COL4A1: variants seen among roughly 807,000 people sequenced by gnomAD.
COL4A1 encodes the protein collagen type IV alpha 1 chain, also known as collagen alpha-1(IV) chain.
Under a neutral mutation model 216.6 loss-of-function variants are expected in COL4A1, and 40 were observed. That is an observed-to-expected ratio of 0.18 (90% CI 0.14 to 0.24). The LOEUF (loss-of-function observed/expected upper bound fraction) is 0.24. COL4A1 is among the 10% of genes least tolerant of loss of function. COL4A1 has a pLI of 1.00. For synonymous variants in COL4A1, 839 were observed against 810.7 expected, an observed-to-expected ratio of 1.03 and a Z score of -0.59; for missense variants, 1,628 against 2,196.8, an observed-to-expected ratio of 0.74 and a Z score of 5.18.
chr13:110,201,014 A>G, intron 19 of COL4A1, 125 bp from the exon 20 acceptor site: 1 of 1,072,754 alleles, frequency 9.3e-7, no homozygotes, highest in Non-Finnish European at 1.4e-6. Context: ...GGGAACGTAG[A>G]AAACAGAGCG....
chr13:110,284,397 G>T (rs1397447791), intron 1 of COL4A1, among the ~76,000 whole-genome samples: 1 of 152,130 alleles, frequency 6.6e-6, no homozygotes, highest in Non-Finnish European at 1.5e-5. Flanking sequence ...GCATAATCCC[G>T]AAATCAGTAA....
intron 2 of COL4A1, among the ~76,000 whole-genome samples, chr13:110,236,053 G>GA (rs1881303317): frequency 6.6e-6 from 1 of 152,082 alleles, no homozygotes; most frequent in African/African-American, 2.4e-5. Flanking sequence ...ATGATCTTAG[G>GA]AAAAAGTGAG....
At chr13:110,247,835 G>GTGT (rs765744265) in intron 1 of COL4A1, among the ~76,000 whole-genome samples, 366 of 96,378 alleles carry the variant, frequency 3.8e-3, no homozygotes, top group Non-Finnish European at 4.9e-3. Flanking sequence ...GTGTGTGTGT[G>GTGT]GCAGAGAGAG....
intron 50 of COL4A1, among the ~76,000 whole-genome samples, chr13:110,153,598 A>C (rs961620811): frequency 3.3e-5 from 5 of 152,108 alleles, no homozygotes; most frequent in African/African-American, 1.2e-4. Flanking sequence ...AGCTTACATC[A>C]TTGTTAGTGT....
At position 110,150,190 on chromosome 13, in the gene COL4A1, G is replaced by A. The variant is rs1033126202; in HGVS notation, c.*173C>T. On this transcript the variant is annotated 3_prime_UTR_variant, in exon 52 of 52. Coordinates refer to ENST00000375820, the MANE Select transcript of COL4A1 (RefSeq NM_001845.6). ...CTTATCGCTGTCTTTTTCTCCTTCA[G>A]CAAGTAGAGGTCAATGAAGCAGGGT... 1 of 688,290 alleles carries A rather than the reference G, an allele frequency of 1.5e-6. No individual in the cohort carries two copies. The highest frequency in any genetic ancestry group is 2.4e-4 in the Middle Eastern group (1 of 4,180). 42.6% of individuals were successfully genotyped at this position (688,290 alleles called of 1,614,324 possible). A position where few individuals can be genotyped will look rare whatever the true frequency, so the allele number is the denominator to read the frequency against.
Position 110,175,256 on chromosome 13 carries a change from G to C in COL4A1, c.3160C>G (p.Pro1054Ala). 1 of 1,614,190 alleles carries C rather than the reference G, an allele frequency of 6.2e-7. No homozygotes were observed. Among genetic ancestry groups the C allele is most frequent in the Non-Finnish European group, 8.5e-7 (1 of 1,180,014 alleles). ...AGCCCTGGGATGCCTATGCCAGGTG[G>C]GCCTGCCTGCCCTTTCTCTCCTTTT... ...GAKGEKGQAG[P>A]PGIGIPGLRG... The change falls in exon 37 of 52, where the codon CCA becomes GCA. Residue 1054 changes from proline to alanine, a missense_variant. Physicochemically the swap from Pro to Ala is conservative, Grantham distance 27. Coordinates refer to ENST00000375820, the MANE Select transcript of COL4A1 (RefSeq NM_001845.6).
chr13:110,200,362 C>A (rs1042527199), intron 20 of COL4A1, among the ~76,000 whole-genome samples: 1 of 152,174 alleles, frequency 6.6e-6, no homozygotes, highest in Non-Finnish European at 1.5e-5. Flanking sequence ...TGAGGAGCCC[C>A]GGGGTCCAGG....
At chr13:110,271,537 C>A (rs1177130475) in intron 1 of COL4A1, among the ~76,000 whole-genome samples, 1 of 152,106 alleles carries the variant, frequency 6.6e-6, no homozygotes, top group Non-Finnish European at 1.5e-5. Flanking sequence ...ATCAGATAAC[C>A]CAGGTTGAAG....
At chr13:110,243,181 G>A (rs1217263451) in intron 1 of COL4A1, among the ~76,000 whole-genome samples, 3 of 142,812 alleles carry the variant, frequency 2.1e-5, no homozygotes, top group Non-Finnish European at 3.1e-5. Context: ...ACACGGCCGC[G>A]CAAAAAAAAG....
At chr13:110,280,134 G>C (rs546925354) in intron 1 of COL4A1, among the ~76,000 whole-genome samples, 1 of 152,120 alleles carries the variant, frequency 6.6e-6, no homozygotes, top group Non-Finnish European at 1.5e-5. Flanking sequence ...AGTTTGCCAC[G>C]TATAAAGAAC....
Position 110,242,184 on chromosome 13 carries a change from T to C in COL4A1, c.144+491A>G, listed in dbSNP as rs531340808. Among the ~76,000 whole-genome samples the C allele has an allele frequency of 1.4e-3, 213 of 152,312 alleles. 1 individual carries two copies. The highest frequency in any genetic ancestry group is 3.5e-3 in the Admixed American group (54 of 15,306). On this transcript the variant is annotated intron_variant, in intron 2 of 51. Transcript: ENST00000375820. ...GGGGAACAGTTTGCTTGCAAAGAAA[T>C]ACATTTTAATTTTACATTTGGGAAA...
At chr13:110,289,896 C>T (rs1178272358) in intron 1 of COL4A1, among the ~76,000 whole-genome samples, 3 of 152,252 alleles carry the variant, frequency 2.0e-5, no homozygotes, top group East Asian at 1.9e-4. Flanking sequence ...ATCCCAGAGA[C>T]GGAATGAGGG....
At position 110,178,969 on chromosome 13, in the gene COL4A1, A is replaced by AG; in HGVS notation, c.2411dup (p.Gly805TrpfsTer3). 2 of 1,612,512 alleles carry AG rather than the reference A, an allele frequency of 1.2e-6. No homozygotes were observed. The highest frequency in any genetic ancestry group is 1.7e-6 in the Non-Finnish European group (2 of 1,179,734). ...GTCCTCCAGGGGGACCCCTAGCTCC[A>AG]GGGGGGCCTATTCCTGGAACTCCTG... On this transcript the variant is annotated frameshift_variant, in exon 31 of 52. Transcript: ENST00000375820. LOFTEE classifies it high-confidence loss of function.
At chr13:110,296,174 C>T (rs1220061403) in intron 1 of COL4A1, among the ~76,000 whole-genome samples, 2 of 152,228 alleles carry the variant, frequency 1.3e-5, no homozygotes, top group Admixed American at 6.5e-5. Context: ...AGTGAAGCTA[C>T]GGAGATTCTG....
At chr13:110,172,862 C>T in intron 40 of COL4A1, 92 bp from the exon 41 acceptor site, 1 of 1,002,320 alleles carries the variant, frequency 1.0e-6, no homozygotes, top group Admixed American at 1.7e-5. Flanking sequence ...TGCAATAATA[C>T]TACGTATATT....
chr13:110,229,846 A>T (rs1294436605), intron 2 of COL4A1, among the ~76,000 whole-genome samples: 1 of 152,132 alleles, frequency 6.6e-6, no homozygotes, highest in Non-Finnish European at 1.5e-5. Context: ...GGAAAAGAAA[A>T]AGCCCTATGC....
chr13:110,176,379 T>A, intron 36 of COL4A1, 45 bp downstream of exon 36: 1 of 1,281,110 alleles, frequency 7.8e-7, no homozygotes, highest in Non-Finnish European at 1.1e-6. Flanking sequence ...CCTACCAGTA[T>A]CACACGCACA....
At chr13:110,183,614 C>T (rs1477340977) in intron 26 of COL4A1, among the ~76,000 whole-genome samples, 2 of 152,206 alleles carry the variant, frequency 1.3e-5, no homozygotes, top group African/African-American at 2.4e-5. Flanking sequence ...CTTAGTGAGC[C>T]GGTCTCAAAA....
rs1884048770 is a variant in COL4A1 at position 110,290,736 on chromosome 13, G to A, written c.84+16208C>T. 3.3e-5 allele frequency among the ~76,000 whole-genome samples: 5 copies of A among 152,222 alleles called. No homozygotes were observed. In the South Asian group the frequency reaches 8.3e-4, roughly 25 times the overall value. On this transcript the variant is annotated intron_variant, in intron 1 of 51. Transcript: ENST00000375820. Reference sequence around the variant, plus strand: ...GCAAGTGAAGCTTGGGTGCACGAGAGCAAGTGGGGACTGGAAAAGGAACAA... The same window carrying A: ...GCAAGTGAAGCTTGGGTGCACGAGAACAAGTGGGGACTGGAAAAGGAACAA...
Sources: allele counts gnomAD v4.1 joint callset (sites outside exome capture counted in the v4.1 genomes callset), GRCh38; gene constraint gnomAD v4.1.1; transcripts MANE v1.5; gene names NCBI Gene and HGNC (gene_info 2026-07-23, HGNC 2026-07-21).